Variants in EVPL observed in about 807,000 individuals in gnomAD.
The protein encoded by EVPL is envoplakin.
EVPL carries 94 observed loss-of-function variants against 129.7 expected under a neutral mutation model. The observed-to-expected ratio is 0.72, with a 90% confidence interval of 0.61 to 0.86. The LOEUF is 0.86. Ranked by LOEUF, EVPL falls within the 40% of genes least tolerant of loss-of-function variation. EVPL has a pLI of 0.00. For missense variants in EVPL, 2,625 were observed against 2,721.1 expected, an observed-to-expected ratio of 0.96 and a Z score of 0.79; for synonymous variants, 1,172 against 1,191.1, an observed-to-expected ratio of 0.98 and a Z score of 0.33.
At position 76,009,997 on chromosome 17, in the gene EVPL, C is replaced by T. The variant is rs369794356; in HGVS notation, c.3208G>A (p.Val1070Met). ...TCTTTCACCACGACCTTCTCCTTCA[C>T]GTCCACCTCCCTCTTCTCAAGGGCC... The part of the protein sequence containing the change: ...LLALEKREVD[V>M]KEKVVVKEVV... Residue 1070 changes from valine (V) to methionine (M), a missense_variant, in exon 22 of 22, where the codon GTG becomes ATG. Val to Met is a conservative substitution (Grantham distance 21). Around this residue, in one of 4 missense-constraint regions of EVPL, gnomAD observed 1,453 missense variants for 1,511.8 expected, o/e 0.96. Transcript: ENST00000301607. The surrounding 1 kb of genome is among the most constrained non-coding windows in gnomAD (Gnocchi z 5.9). 3.0e-5 allele frequency: 49 copies of T among 1,613,496 alleles called. No homozygotes were observed. Among genetic ancestry groups the T allele is most frequent in the Non-Finnish European group, 3.8e-5 (45 of 1,180,048 alleles).
At position 76,009,936 on chromosome 17, in the gene EVPL, T is replaced by C; in HGVS notation, c.3269A>G (p.Lys1090Arg). 1 of 1,614,098 alleles carries C rather than the reference T, an allele frequency of 6.2e-7. No individual in the cohort carries two copies. Among genetic ancestry groups the C allele is most frequent in the Non-Finnish European group, 8.5e-7 (1 of 1,180,020 alleles). ...CTGCAGCCTCAGAGCCTGGGCTGCC[T>C]TGACCATTTCCAGATTCTTCTCCAC... ...VKVEKNLEMV[K>R]AAQALRLQME... Residue 1090 changes from lysine to arginine, a missense_variant, in exon 22 of 22, where the codon AAG becomes AGG. Transcript: ENST00000301607. The surrounding 1 kb of genome is among the most constrained non-coding windows in gnomAD (Gnocchi z 5.9).
chr17:76,023,292 C>A lies in EVPL; in HGVS notation c.480G>T (p.Gln160His). Residue 160 changes from glutamine (Q) to histidine (H), a missense_variant and splice_region_variant, in exon 4 of 22, where the codon CAG becomes CAT. Gln to His is a conservative substitution (Grantham distance 24, BLOSUM62 0). Coordinates refer to ENST00000301607, the MANE Select transcript of EVPL (RefSeq NM_001988.4). Reference protein sequence around the residue: ...VDWARVLEQKQKQVCAGQYGP... With the variant: ...VDWARVLEQKHKQVCAGQYGP... ...TGGGGTGTGACTTTGAGTTCCTGAC[C>A]TGTTTCTGCTCCAGCACGCGTGCCC... is the stretch of plus-strand genomic sequence containing the variant. 2 of 1,613,898 alleles carry A rather than the reference C, an allele frequency of 1.2e-6. No individual in the cohort carries two copies. The highest frequency in any genetic ancestry group is 1.7e-6 in the Non-Finnish European group (2 of 1,179,998).
At position 76,009,310 on chromosome 17, in the gene EVPL, C is replaced by G. The variant is rs200545542; in HGVS notation, c.3895G>C (p.Asp1299His). Residue 1299 changes from aspartate to histidine, a missense_variant, in exon 22 of 22, where the codon GAC becomes CAC. This residue lies in a region of EVPL where 1,453 missense variants were observed against 1,511.8 expected (regional missense o/e 0.96). Coordinates refer to ENST00000301607, the MANE Select transcript of EVPL (RefSeq NM_001988.4). This position sits in a 1 kb window ranked among gnomAD's most constrained non-coding sequence, Gnocchi z 5.9. ...TTGGCCCGCTCGCGCCTCCACTCGT[C>G]GCGCTCACCCTGCAGGCGGATGAGC... ...EQLIRLQGERDEWRRERAKVE... is the reference protein window; with the variant it reads ...EQLIRLQGERHEWRRERAKVE... 1 of 1,609,892 alleles carries G rather than the reference C, an allele frequency of 6.2e-7. No individual in the cohort carries two copies. Among genetic ancestry groups the G allele is most frequent in the Admixed American group, 1.7e-5 (1 of 60,024 alleles).
At chr17:76,015,704 G>T in intron 14 of EVPL, 76 bp from the exon 15 acceptor site, 1 of 1,468,448 alleles carries the variant, frequency 6.8e-7, no homozygotes, top group Non-Finnish European at 9.2e-7. Context: ...CCCTAACTCT[G>T]CGCCCATGGA....
intron 16 of EVPL, 42 bp downstream of exon 16, chr17:76,015,185 C>G: frequency 6.4e-7 from 1 of 1,560,996 alleles, no homozygotes; most frequent in African/African-American, 1.3e-5. Context: ...CCCCTGAATG[C>G]TGGGTTCCCC....
chr17:76,011,635 C>T lies in EVPL; in HGVS notation c.2602G>A (p.Ala868Thr), dbSNP rs777244669. ...KNLAKAYTEV[A>T]AAQQQLLQQL... ...TGGAGCAGCTGCTGCTGTGCTGCTG[C>T]AACCTCAGTATAGGCCTTTGCAAGG... The change falls in exon 21 of 22, where the codon GCA becomes ACA. Residue 868 changes from alanine (A) to threonine (T), a missense_variant. Ala to Thr is a moderately conservative substitution (Grantham distance 58). Coordinates refer to ENST00000301607, the MANE Select transcript of EVPL (RefSeq NM_001988.4). The T allele has an allele frequency of 3.7e-6, 6 of 1,614,190 alleles. No homozygotes were observed. The highest frequency in any genetic ancestry group is 4.2e-6 in the Non-Finnish European group (5 of 1,180,030).
chr17:76,008,622 T>C lies in EVPL; in HGVS notation c.4583A>G (p.Lys1528Arg). 6.2e-7 allele frequency: 1 copy of C among 1,612,304 alleles called. No individual in the cohort carries two copies. The highest frequency in any genetic ancestry group is 8.5e-7 in the Non-Finnish European group (1 of 1,180,026). ...TIYKEVIRVQ[K>R]DRVLEDERAR... The stretch of plus-strand genomic sequence containing the variant: ...CCGCTCATCTTCCAGGACGCGGTCC[T>C]TCTGCACCCGGATCACTTCCTTGTA... The change falls in exon 22 of 22, where the codon AAG (lysine) becomes AGG (arginine). Residue 1528 changes from lysine to arginine, a missense_variant. By Grantham distance (26) the Lys-to-Arg change is conservative. Around this residue, in one of 4 missense-constraint regions of EVPL, gnomAD observed 1,453 missense variants for 1,511.8 expected, o/e 0.96. Transcript: ENST00000301607. This position sits in a 1 kb window ranked among gnomAD's most constrained non-coding sequence, Gnocchi z 7.4.
rs1320767218 is a variant in EVPL, at chr17:76,022,533, C to T, written c.486G>A (p.Gln162=). Residue 162 remains glutamine, a synonymous_variant, in exon 5 of 22, where the codon CAG becomes CAA. Coordinates refer to ENST00000301607, the MANE Select transcript of EVPL (RefSeq NM_001988.4). The surrounding 1 kb of genome is among the most constrained non-coding windows in gnomAD (Gnocchi z 5.6). ...WARVLEQKQK[Q]VCAGQYGPGM... ...CCGGCCCGTACTGGCCTGCGCAGAC[C>T]TGCTTCTGCAGGAGAGCCGGCGGCT... 1.2e-6 allele frequency: 2 copies of T among 1,605,766 alleles called. No homozygotes were observed. The highest frequency in any genetic ancestry group is 1.7e-6 in the Non-Finnish European group (2 of 1,176,908).
chr17:76,016,407 C>T (rs547873864), intron 14 of EVPL, among the ~76,000 whole-genome samples: 55 of 152,346 alleles, frequency 3.6e-4, no homozygotes, highest in African/African-American at 1.3e-3. Context: ...GACTCTGCAC[C>T]AGGCACCACC....
intron 14 of EVPL, 27 bp from the exon 15 acceptor site, chr17:76,015,655 C>T: frequency 6.2e-7 from 1 of 1,600,026 alleles, no homozygotes; most frequent in Non-Finnish European, 8.5e-7. Context: ...TCAGGGATCT[C>T]TGGGCAGGTG....
intron 21 of EVPL, 200 bp downstream of exon 21, chr17:76,011,376 C>T: frequency 1.6e-6 from 1 of 609,536 alleles, no homozygotes; most frequent in Non-Finnish European, 2.9e-6. Context: ...GGACACCAGC[C>T]TGTAAGAGCT....
intron 12 of EVPL, 76 bp from the exon 13 acceptor site, chr17:76,018,334 T>C: frequency 6.6e-7 from 1 of 1,516,936 alleles, no homozygotes; most frequent in Non-Finnish European, 8.9e-7. Flanking sequence ...AGACGCAGCT[T>C]CAGGTGAAGG....
chr17:76,007,703 G>A lies in EVPL; in HGVS notation c.5502C>T (p.Thr1834=). Reference sequence around the variant, plus strand: ...TCTTGATGCTGCACTTGTTGTCTGTGGTTGTGTCATAGATCCCGGCGATAG... The same window carrying A: ...TCTTGATGCTGCACTTGTTGTCTGTAGTTGTGTCATAGATCCCGGCGATAG... ...SFPIAGIYDT[T]TDNKCSIKTA... Residue 1834 remains threonine (T), a synonymous_variant, in exon 22 of 22, where the codon ACC becomes ACT. Coordinates refer to ENST00000301607, the MANE Select transcript of EVPL (RefSeq NM_001988.4). This position sits in a 1 kb window ranked among gnomAD's most constrained non-coding sequence, Gnocchi z 8.8. 1 of 1,613,568 alleles carries A rather than the reference G, an allele frequency of 6.2e-7. No homozygotes were observed. Among genetic ancestry groups the A allele is most frequent in the African/African-American group, 1.3e-5 (1 of 75,048 alleles).
At position 76,008,124 on chromosome 17, in the gene EVPL, C is replaced by T; in HGVS notation, c.5081G>A (p.Gly1694Glu). Reference sequence around the variant, plus strand: ...GGCCTCGTATGGGGACATGTCCTTCCCCGTCTCGGGTTCCAGGATGGAGAT... The same window carrying T: ...GGCCTCGTATGGGGACATGTCCTTCTCCGTCTCGGGTTCCAGGATGGAGAT... ...TKISILEPET[G>E]KDMSPYEAYK... Residue 1694 changes from glycine to glutamate, a missense_variant, in exon 22 of 22, where the codon GGG becomes GAG. Physicochemically the swap from Gly to Glu is moderately conservative, Grantham distance 98. This residue lies in a region of EVPL where 1,453 missense variants were observed against 1,511.8 expected (regional missense o/e 0.96). Coordinates refer to ENST00000301607, the MANE Select transcript of EVPL (RefSeq NM_001988.4). The surrounding 1 kb of genome is among the most constrained non-coding windows in gnomAD (Gnocchi z 7.4). The T allele has an allele frequency of 1.2e-6, 2 of 1,614,138 alleles. No individual in the cohort carries two copies. The highest frequency in any genetic ancestry group is 1.7e-6 in the Non-Finnish European group (2 of 1,180,024).
Position 76,008,897 on chromosome 17 carries a change from C to T in EVPL, c.4308G>A (p.Glu1436=), listed in dbSNP as rs201264945. ...TCAAGGTCAGCTGCCGCAGCTCCCTCTCCACGGCCAGCTTCTTGCTGCGGT... is the reference window on the plus strand; with the variant it reads ...TCAAGGTCAGCTGCCGCAGCTCCCTTTCCACGGCCAGCTTCTTGCTGCGGT... ...QEDRSKKLAV[E]RELRQLTLRI... The change falls in exon 22 of 22, where the codon GAG becomes GAA. Residue 1436 remains glutamate, a synonymous_variant. Coordinates refer to ENST00000301607, the MANE Select transcript of EVPL (RefSeq NM_001988.4). The surrounding 1 kb of genome is among the most constrained non-coding windows in gnomAD (Gnocchi z 7.4). 4.4e-5 allele frequency: 71 copies of T among 1,613,830 alleles called. No homozygotes were observed. The East Asian group carries it at 1.2e-3, about 28-fold the overall frequency.
At chr17:76,020,191 T>C (rs1404255947) in intron 9 of EVPL, among the ~76,000 whole-genome samples, 1 of 151,774 alleles carries the variant, frequency 6.6e-6, no homozygotes, top group Non-Finnish European at 1.5e-5. Context: ...CCAGCTAAAC[T>C]TAAACCAGCT....
rs923727184 is a variant in EVPL, at chr17:76,023,802, C to T, written c.199-148G>A. On this transcript the variant is annotated intron_variant, in intron 2 of 21. Coordinates refer to ENST00000301607, the MANE Select transcript of EVPL (RefSeq NM_001988.4). ...GCCAGGCACAGGGTCAGGACCAGGG[C>T]GTCCGTGGGGCAGGTGACAAGGACA... The T allele has an allele frequency of 3.2e-5, 43 of 1,361,254 alleles. No homozygotes were observed. In the African/African-American group the frequency reaches 5.6e-4, roughly 18 times the overall value. 84.3% of individuals were successfully genotyped at this position (1,361,254 alleles called of 1,614,324 possible). A position where few individuals can be genotyped will look rare whatever the true frequency, so the allele number is the denominator to read the frequency against.
In EVPL at chr17:76,027,252, G is replaced by A; in HGVS notation, c.-54C>T. The A allele has an allele frequency of 7.4e-7, 1 of 1,353,364 alleles. No homozygotes were observed. The highest frequency in any genetic ancestry group is 1.1e-6 in the Non-Finnish European group (1 of 948,802). The allele number at this position is 1,353,364 out of a possible 1,614,324, so 83.8% of individuals were successfully genotyped here. On this transcript the variant is annotated 5_prime_UTR_variant, in exon 1 of 22. Transcript: ENST00000301607. Reference sequence around the variant, plus strand: ...TGGGCTTGGCTGGCGAAAGACGGCAGGAGGGCAGGTGGGAGGCAGCGGGCG... The same window carrying A: ...TGGGCTTGGCTGGCGAAAGACGGCAAGAGGGCAGGTGGGAGGCAGCGGGCG...
rs771744393 is a variant in EVPL at position 76,009,304 on chromosome 17, A to G, written c.3901T>C (p.Trp1301Arg). 1.9e-6 allele frequency: 3 copies of G among 1,608,180 alleles called. No individual in the cohort carries two copies. The highest frequency in any genetic ancestry group is 2.5e-6 in the Non-Finnish European group (3 of 1,179,428). Residue 1301 changes from tryptophan to arginine, a missense_variant, in exon 22 of 22, where the codon TGG (tryptophan) becomes CGG (arginine). Physicochemically the swap from Trp to Arg is moderately radical, Grantham distance 101. Coordinates refer to ENST00000301607, the MANE Select transcript of EVPL (RefSeq NM_001988.4). This position sits in a 1 kb window ranked among gnomAD's most constrained non-coding sequence, Gnocchi z 5.9. ...LIRLQGERDE[W>R]RRERAKVETK... ...TCCACCTTGGCCCGCTCGCGCCTCCACTCGTCGCGCTCACCCTGCAGGCGG... is the reference window on the plus strand; with the variant it reads ...TCCACCTTGGCCCGCTCGCGCCTCCGCTCGTCGCGCTCACCCTGCAGGCGG...
Sources: gnomAD v4.1 joint callset for allele counts (sites outside exome capture counted in the v4.1 genomes callset) on GRCh38, gnomAD v4.1.1 for gene constraint, gnomAD v4.1.1 regional missense constraint, Gnocchi (gnomAD v3.1) non-coding constraint, MANE v1.5 for transcripts, NCBI Gene and HGNC (gene_info 2026-07-23, HGNC 2026-07-21) for gene names.